The following DCBLD1 variants were observed in gnomAD, a reference collection of about 807,000 sequenced individuals.
DCBLD1 encodes discoidin, CUB and LCCL domain-containing protein 1.
In DCBLD1, 57 loss-of-function variants were observed where a neutral mutation model predicts 71.5. The ratio of observed to expected loss-of-function variants is 0.80; its 90% CI spans 0.64 to 0.99. The LOEUF is 0.99. Ranked by LOEUF, DCBLD1 falls within the 50% of genes least tolerant of loss-of-function variation. The pLI is 0.00. For missense variants in DCBLD1, 891 were observed against 923.5 expected (o/e 0.96, Z 0.46); for synonymous variants, 380 against 363.8 (o/e 1.04, Z -0.51).
downstream of DCBLD1, among the ~76,000 whole-genome samples, chr6:117,551,894 G>A (rs1779433541): frequency 1.3e-5 from 2 of 152,132 alleles, no homozygotes; most frequent in Non-Finnish European, 2.9e-5. Context: ...AGAGTCTGAG[G>A]CAGGTTGATA....
chr6:117,533,242 A>T (rs1385019615), intron 6 of DCBLD1, among the ~76,000 whole-genome samples: 1 of 152,150 alleles, frequency 6.6e-6, no homozygotes, highest in Non-Finnish European at 1.5e-5. Flanking sequence ...CACAAGACAG[A>T]GGTTTTAGGC....
At chr6:117,484,418 AG>A (rs1777014391) in intron 1 of DCBLD1, among the ~76,000 whole-genome samples, 1 of 152,170 alleles carries the variant, frequency 6.6e-6, no homozygotes, top group Non-Finnish European at 1.5e-5. Flanking sequence ...GCACGATCTC[AG>A]CTCACTGCAG....
At chr6:117,486,551 T>A (rs1582955955) in intron 1 of DCBLD1, among the ~76,000 whole-genome samples, 1 of 152,290 alleles carries the variant, frequency 6.6e-6, no homozygotes, top group East Asian at 1.9e-4. Context: ...AGCTGTTTGG[T>A]TTTTTTGCTA....
intron 14 of DCBLD1, chr6:117,561,242 CAT>C (rs952771106): frequency 6.3e-5 from 14 of 223,172 alleles, no homozygotes; most frequent in African/African-American, 2.5e-4. Flanking sequence ...ACAGTGACCT[CAT>C]AAAAATTCCA....
At chr6:117,559,668 C>T (rs1329268258) in intron 14 of DCBLD1, among the ~76,000 whole-genome samples, 11 of 152,120 alleles carry the variant, frequency 7.2e-5, no homozygotes, top group Admixed American at 7.2e-4. Flanking sequence ...AACAAATATT[C>T]AGCACCAACA....
intron 12 of DCBLD1, among the ~76,000 whole-genome samples, chr6:117,543,533 C>T (rs1779169953): frequency 6.6e-6 from 1 of 152,090 alleles, no homozygotes; most frequent in Non-Finnish European, 1.5e-5. Context: ...CCACCATGCC[C>T]AGCTAATTTT....
At chr6:117,523,114 A>G (rs1213933823) in intron 4 of DCBLD1, among the ~76,000 whole-genome samples, 1 of 152,216 alleles carries the variant, frequency 6.6e-6, no homozygotes, top group Non-Finnish European at 1.5e-5. Context: ...CTATACCTCT[A>G]CAGTCCCAGT....
chr6:117,504,054 A>G (rs1006975711), intron 2 of DCBLD1, 75 bp downstream of exon 2: 1 of 1,467,430 alleles, frequency 6.8e-7, no homozygotes, highest in Non-Finnish European at 9.4e-7. Context: ...TGGTGTGTTA[A>G]TTAACGCTAT....
At chr6:117,530,097 A>T (rs905116035) in intron 5 of DCBLD1, among the ~76,000 whole-genome samples, 2 of 152,180 alleles carry the variant, frequency 1.3e-5, no homozygotes, top group Non-Finnish European at 1.5e-5. Context: ...ATAGCTGCTC[A>T]GCAGACCACT....
rs897948676 is a variant in DCBLD1 at position 117,498,752 on chromosome 6, A to T, written c.113-5015A>T. 3.9e-5 allele frequency among the ~76,000 whole-genome samples: 6 copies of T among 152,112 alleles called. No homozygotes were observed. In the South Asian group the frequency reaches 1.2e-3, roughly 32 times the overall value. On this transcript the variant is annotated intron_variant, in intron 1 of 14. Transcript: ENST00000338728. ...CTGCATCACCTCTTTTTTGCCAGGT[A>T]TTTTAAGGCAAATCCCAGACCTTAT... is the stretch of plus-strand genomic sequence containing the variant.
intron 14 of DCBLD1, chr6:117,563,207 A>G: frequency 6.4e-7 from 1 of 1,573,596 alleles, no homozygotes; most frequent in Non-Finnish European, 8.7e-7. Context: ...CAGTGCCCCA[A>G]ATTCAGAATA....
intron 4 of DCBLD1, among the ~76,000 whole-genome samples, chr6:117,522,355 G>A (rs748934028): frequency 2.5e-4 from 38 of 152,136 alleles, no homozygotes; most frequent in Non-Finnish European, 4.1e-4. Context: ...ATTGCCAAAT[G>A]TCTCATGGTG....
intron 2 of DCBLD1, among the ~76,000 whole-genome samples, chr6:117,510,111 C>T (rs1426407233): frequency 6.6e-6 from 1 of 151,972 alleles, no homozygotes; most frequent in Non-Finnish European, 1.5e-5. Context: ...TTAATTGTGC[C>T]CCACTTCTAC....
At chr6:117,493,105 C>A (rs1056508351) in intron 1 of DCBLD1, among the ~76,000 whole-genome samples, 1 of 152,108 alleles carries the variant, frequency 6.6e-6, no homozygotes, top group Admixed American at 6.5e-5. Flanking sequence ...TTAAACCATA[C>A]AAAATTTTTA....
chr6:117,535,194 A>G (rs1778844432), intron 6 of DCBLD1, among the ~76,000 whole-genome samples: 1 of 152,184 alleles, frequency 6.6e-6, no homozygotes, highest in Non-Finnish European at 1.5e-5. Context: ...CCCTAAAGTA[A>G]ATATCCAGGG....
rs762967204 is a variant in DCBLD1 at position 117,532,326 on chromosome 6, A to G, written c.652A>G (p.Ser218Gly). 3.7e-6 allele frequency: 6 copies of G among 1,614,000 alleles called. No homozygotes were observed. The South Asian group carries it at 6.6e-5, about 18-fold the overall frequency. ...IIADELGGQI[S>G]VLQRKGISRY... ...TGCTGATGAACTAGGTGGCCAGATC[A>G]GTGTGCTTCAGCGCAAAGGGATCAG... The change falls in exon 6 of 15, where the codon AGT (serine) becomes GGT (glycine). Residue 218 changes from serine (S) to glycine (G), a missense_variant. Ser to Gly is a moderately conservative substitution (Grantham distance 56). Coordinates refer to ENST00000338728, the MANE Select transcript of DCBLD1 (RefSeq NM_001366458.2).
At chr6:117,522,505 A>T (rs1051357796) in intron 4 of DCBLD1, among the ~76,000 whole-genome samples, 1 of 151,624 alleles carries the variant, frequency 6.6e-6, no homozygotes, top group African/African-American at 2.4e-5. Context: ...GCAGTGGTAT[A>T]ATTATAGCTC....
At chr6:117,504,345 G>A (rs778427605) in intron 2 of DCBLD1, among the ~76,000 whole-genome samples, 2 of 152,222 alleles carry the variant, frequency 1.3e-5, no homozygotes, top group African/African-American at 4.8e-5. Context: ...GAACTGGGAT[G>A]TAACAGTGAA....
Position 117,549,589 on chromosome 6 carries a change from G to A in DCBLD1, c.*1150G>A. On this transcript the variant is annotated 3_prime_UTR_variant, in exon 15 of 15. Coordinates refer to ENST00000338728, the MANE Select transcript of DCBLD1 (RefSeq NM_001366458.2). ...GTGTGTTTTTTTAATAGAAAATATG[G>A]ACCAAAAATTTTTTTCCCTGAAGAA... 1 of 985,244 alleles carries A rather than the reference G, an allele frequency of 1.0e-6. No homozygotes were observed. The highest frequency in any genetic ancestry group is 1.2e-6 in the Non-Finnish European group (1 of 829,888). 61.0% of individuals were successfully genotyped at this position (985,244 alleles called of 1,614,324 possible). A position where few individuals can be genotyped will look rare whatever the true frequency, so the allele number is the denominator to read the frequency against.
Sources: gnomAD v4.1 joint callset for allele counts (sites outside exome capture counted in the v4.1 genomes callset) on GRCh38, gnomAD v4.1.1 for gene constraint, MANE v1.5 for transcripts, NCBI Gene and HGNC (gene_info 2026-07-23, HGNC 2026-07-21) for gene names.